CHLSN: variants seen among roughly 807,000 people sequenced by gnomAD.
CHLSN encodes the protein protein cholesin.
the CHLSN span, chr7:1,137,999 CG>C: frequency 1.5e-4 from 4 of 26,972 alleles, no homozygotes; most frequent in African/African-American, 3.1e-3. Context: ...CGCGCCGGGA[CG>C]CACCGGCCGC....
the CHLSN span, among the ~76,000 whole-genome samples, chr7:1,079,898 C>T: frequency 6.6e-6 from 1 of 152,258 alleles, no homozygotes; most frequent in Non-Finnish European, 1.5e-5. Context: ...GTCAAGAACA[C>T]ACAATTCTCA....
chr7:1,124,291 C>T, the CHLSN span, among the ~76,000 whole-genome samples: 2 of 151,888 alleles, frequency 1.3e-5, no homozygotes, highest in Non-Finnish European at 2.9e-5. Context: ...GGGGTGCTGC[C>T]AGTGACCAGC....
chr7:1,036,939 G>T, the CHLSN span, among the ~76,000 whole-genome samples: 2 of 147,496 alleles, frequency 1.4e-5, 1 homozygote, highest in Non-Finnish European at 3.1e-5. Context: ...TCGAAACCCT[G>T]TCTCTACTAA....
chr7:1,092,115 G>A, the CHLSN span: 5 of 1,613,848 alleles, frequency 3.1e-6, no homozygotes, highest in Admixed American at 8.3e-5. Context: ...TCGCCGTCCT[G>A]TGCACCTTCA....
chr7:1,085,858 G>T, the CHLSN span, among the ~76,000 whole-genome samples: 1 of 151,786 alleles, frequency 6.6e-6, no homozygotes, highest in African/African-American at 2.4e-5. Context: ...TTTAAAAATC[G>T]GCAAAAGGTC....
At chr7:982,453 C>A in the CHLSN span, among the ~76,000 whole-genome samples, 1 of 152,250 alleles carries the variant, frequency 6.6e-6, no homozygotes, top group Non-Finnish European at 1.5e-5. Context: ...GCCCTCCCAC[C>A]CCTCACAGCG....
At chr7:1,008,275 C>T in the CHLSN span, among the ~76,000 whole-genome samples, 1 of 152,208 alleles carries the variant, frequency 6.6e-6, no homozygotes, top group Non-Finnish European at 1.5e-5. Context: ...CGAGACGCTG[C>T]ACTAACGGCC....
At chr7:984,654 G>A in the CHLSN span, 266 of 1,492,916 alleles carry the variant, frequency 1.8e-4, no homozygotes, top group Middle Eastern at 1.2e-3. Context: ...CTCCAGCAGC[G>A]GGAGAGGCTC....
chr7:1,016,226 C>CCAGCACACAG, the CHLSN span, among the ~76,000 whole-genome samples: 1 of 40,778 alleles, frequency 2.5e-5, no homozygotes, highest in East Asian at 5.4e-4. Flanking sequence ...GCAGCACACG[C>CCAGCACACAG]CAGCACACAG....
the CHLSN span, among the ~76,000 whole-genome samples, chr7:1,006,652 C>T: frequency 1.3e-5 from 2 of 150,434 alleles, no homozygotes; most frequent in Non-Finnish European, 3.0e-5. Context: ...GGGGAAAGAG[C>T]GCACGACGGC....
At chr7:1,005,733 AG>A in the CHLSN span, among the ~76,000 whole-genome samples, 1 of 152,198 alleles carries the variant, frequency 6.6e-6, no homozygotes, top group East Asian at 1.9e-4. Context: ...GGACCTGAGG[AG>A]GGTGGGCTTG....
chr7:1,108,484 G>C, the CHLSN span, among the ~76,000 whole-genome samples: 14 of 152,308 alleles, frequency 9.2e-5, 1 homozygote, highest in African/African-American at 3.4e-4. Flanking sequence ...CGAATCTCAC[G>C]GCCCAAACGC....
At chr7:992,379 G>A in the CHLSN span, among the ~76,000 whole-genome samples, 7 of 152,214 alleles carry the variant, frequency 4.6e-5, no homozygotes, top group South Asian at 4.1e-4. Context: ...CAGCAAGCTC[G>A]GAGGGTGAGG....
the CHLSN span, chr7:1,028,226 C>G: frequency 9.2e-7 from 1 of 1,081,722 alleles, no homozygotes; most frequent in Non-Finnish European, 1.1e-6. Context: ...CTCCCTGCAG[C>G]CCGAATGCGG....
the CHLSN span, among the ~76,000 whole-genome samples, chr7:1,062,344 C>T: frequency 6.6e-6 from 1 of 152,182 alleles, no homozygotes; most frequent in Admixed American, 6.5e-5. Flanking sequence ...GTAACCGTAA[C>T]AGAAAGTATC....
chr7:1,090,970 A>T, the CHLSN span, among the ~76,000 whole-genome samples: 1 of 151,544 alleles, frequency 6.6e-6, no homozygotes, highest in South Asian at 2.1e-4. Flanking sequence ...TTCTGGACCC[A>T]CTCTCTCTCT....
At chr7:1,036,848 G>A in the CHLSN span, among the ~76,000 whole-genome samples, 1 of 148,262 alleles carries the variant, frequency 6.7e-6, no homozygotes, top group Non-Finnish European at 1.5e-5. Context: ...GGTGGCTCAT[G>A]CCTGTAGTCC....
chr7:1,075,911 T>C, the CHLSN span: 1 of 151,096 alleles, frequency 6.6e-6, no homozygotes, highest in East Asian at 1.9e-4. Context: ...GGGTCACATT[T>C]ATTAAAAAAA....
the CHLSN span, among the ~76,000 whole-genome samples, chr7:1,057,319 C>T: frequency 1.6e-4 from 25 of 152,278 alleles, no homozygotes; most frequent in Non-Finnish European, 2.9e-4. Context: ...CGACCCGAGA[C>T]GGCCATTTTT....
Sources: gnomAD v4.1 joint callset for allele counts (sites outside exome capture counted in the v4.1 genomes callset) on GRCh38, gnomAD v4.1.1 for gene constraint, MANE v1.5 for transcripts, NCBI Gene and HGNC (gene_info 2026-07-23, HGNC 2026-07-21) for gene names.